DAB1: variants seen among roughly 807,000 people sequenced by gnomAD.
DAB1 encodes DAB adaptor protein 1.
A neutral mutation model predicts 64.6 loss-of-function variants in DAB1; 15 were observed. That is an observed-to-expected ratio of 0.23 (90% CI 0.16 to 0.36). The LOEUF (loss-of-function observed/expected upper bound fraction) is 0.36, where lower values mean the gene tolerates loss of function less well. Among genes scored for constraint, DAB1 ranks in the 10% least tolerant of loss-of-function variants. The pLI is 1.00. For missense variants in DAB1, 596 were observed against 706.7 expected (o/e 0.84, Z 1.78); for synonymous variants, 235 against 251.9 (o/e 0.93, Z 0.64).
chr1:57,511,865 C>T (rs544110964), intron 7 of DAB1, among the ~76,000 whole-genome samples: 43 of 152,264 alleles, frequency 2.8e-4, no homozygotes, highest in African/African-American at 9.9e-4. Flanking sequence ...CAGCAAATCC[C>T]GTGAGTTGCT....
At chr1:57,768,116 G>GTAGT (rs1649397274) in intron 6 of DAB1, among the ~76,000 whole-genome samples, 1 of 144,172 alleles carries the variant, frequency 6.9e-6, no homozygotes, top group African/African-American at 2.6e-5. Context: ...TACCGAGGTT[G>GTAGT]CAGTGAGCCA....
intron 2 of DAB1, among the ~76,000 whole-genome samples, chr1:57,261,859 G>A (rs1472996917): frequency 1.3e-5 from 2 of 152,214 alleles, no homozygotes; most frequent in Non-Finnish European, 2.9e-5. Flanking sequence ...AAGATGAAGT[G>A]CGGTAAAAAA....
intron 3 of DAB1, among the ~76,000 whole-genome samples, chr1:58,482,442 A>C (rs1480534003): frequency 6.6e-6 from 1 of 152,222 alleles, no homozygotes. Flanking sequence ...TATATGGATA[A>C]TTTTAAGATA....
At chr1:58,379,715 T>G (rs1347594809) in intron 3 of DAB1, among the ~76,000 whole-genome samples, 1 of 152,162 alleles carries the variant, frequency 6.6e-6, no homozygotes, top group African/African-American at 2.4e-5. Flanking sequence ...GTTGGAACAA[T>G]AGGAGATTAA....
intron 4 of DAB1, among the ~76,000 whole-genome samples, chr1:58,162,492 C>T (rs561989942): frequency 1.4e-4 from 22 of 152,080 alleles, no homozygotes; most frequent in African/African-American, 4.3e-4. Context: ...TTCAGAAAAA[C>T]GCAAAGAGAC....
chr1:58,000,783 C>A lies in DAB1; in HGVS notation n.388-116621G>T, dbSNP rs572791285. ...TCGGGGTTTCACCATGCTGGCCAGG[C>A]TGGTCTCAAACTCCTGACCTCAAGT... On this transcript the variant is annotated intron_variant and non_coding_transcript_variant, in intron 5 of 20. Coordinates refer to the DAB1 transcript ENST00000485760. Among the ~76,000 whole-genome samples, 10 of 152,016 alleles carry A rather than the reference C, an allele frequency of 6.6e-5. 1 individual carries two copies. The highest frequency in any genetic ancestry group is 2.4e-4 in the African/African-American group (10 of 41,478).
intron 3 of DAB1, among the ~76,000 whole-genome samples, chr1:58,501,161 T>C (rs1363817656): frequency 6.6e-6 from 1 of 152,210 alleles, no homozygotes; most frequent in African/African-American, 2.4e-5. Flanking sequence ...AACCTGTATT[T>C]ATCCTTTTTA....
chr1:57,301,539 G>A (rs1673658084), intron 1 of DAB1, among the ~76,000 whole-genome samples: 1 of 152,160 alleles, frequency 6.6e-6, no homozygotes, highest in South Asian at 2.1e-4. Context: ...CTAGCAGAGA[G>A]AAAAGACAAG....
chr1:58,156,992 C>T (rs182676157), intron 4 of DAB1, among the ~76,000 whole-genome samples: 124 of 152,266 alleles, frequency 8.1e-4, no homozygotes, highest in Non-Finnish European at 2.6e-4. Flanking sequence ...GCCTACCGAA[C>T]GGGATCTGAG....
chr1:58,252,029 G>A (rs1660814015), intron 4 of DAB1, among the ~76,000 whole-genome samples: 1 of 152,192 alleles, frequency 6.6e-6, no homozygotes, highest in Non-Finnish European at 1.5e-5. Context: ...ACCACTCTCT[G>A]AGTATCCTTT....
chr1:57,368,873 G>A (rs1174930549), intron 1 of DAB1, among the ~76,000 whole-genome samples: 1 of 152,040 alleles, frequency 6.6e-6, no homozygotes, highest in Non-Finnish European at 1.5e-5. Context: ...CACTGAATAT[G>A]GGTAAACTTA....
At chr1:57,025,517 G>T (rs1354293042) in intron 10 of DAB1, among the ~76,000 whole-genome samples, 1 of 152,164 alleles carries the variant, frequency 6.6e-6, no homozygotes, top group Non-Finnish European at 1.5e-5. Context: ...GCAGAGCAGG[G>T]TGTGGGGAGA....
intron 6 of DAB1, among the ~76,000 whole-genome samples, chr1:57,719,529 G>T (rs1023854741): frequency 2.0e-5 from 3 of 152,224 alleles, no homozygotes; most frequent in African/African-American, 7.2e-5. Context: ...CTGGTGGGAG[G>T]TGATTAGATC....
At chr1:57,119,830 C>T (rs1483266196) in intron 4 of DAB1, among the ~76,000 whole-genome samples, 2 of 152,100 alleles carry the variant, frequency 1.3e-5, no homozygotes, top group Non-Finnish European at 2.9e-5. Context: ...GGGATTCCGA[C>T]CTTGGGAAAC....
intron 6 of DAB1, among the ~76,000 whole-genome samples, chr1:57,803,206 C>T (rs1230660296): frequency 1.3e-5 from 2 of 152,240 alleles, no homozygotes; most frequent in African/African-American, 4.8e-5. Flanking sequence ...AAGGATGCCA[C>T]ATCGTTACTT....
At chr1:57,737,515 A>C (rs1320185435) in intron 6 of DAB1, among the ~76,000 whole-genome samples, 1 of 152,182 alleles carries the variant, frequency 6.6e-6, no homozygotes, top group East Asian at 1.9e-4. Flanking sequence ...GTGAGGGTTA[A>C]ATGAGTTAAA....
At chr1:57,267,839 G>T (rs1450872664) in intron 2 of DAB1, among the ~76,000 whole-genome samples, 1 of 151,998 alleles carries the variant, frequency 6.6e-6, no homozygotes, top group African/African-American at 2.4e-5. Flanking sequence ...TTGACAGCTG[G>T]GCTCTCTGTC....
intron 5 of DAB1, among the ~76,000 whole-genome samples, chr1:58,119,124 T>G (rs1652575103): frequency 6.6e-6 from 1 of 152,182 alleles, no homozygotes; most frequent in Admixed American, 6.6e-5. Flanking sequence ...TGTGAACTAC[T>G]ATTTTAATAG....
intron 1 of DAB1, among the ~76,000 whole-genome samples, chr1:57,362,851 TACA>T (rs1173594003): frequency 2.0e-5 from 3 of 152,102 alleles, no homozygotes; most frequent in Admixed American, 6.6e-5. Context: ...GCACTACACA[TACA>T]ACATCTTTTA....
Sources: gnomAD v4.1 joint callset for allele counts (sites outside exome capture counted in the v4.1 genomes callset) on GRCh38, gnomAD v4.1.1 for gene constraint, MANE v1.5 for transcripts, NCBI Gene and HGNC (gene_info 2026-07-23, HGNC 2026-07-21) for gene names.